The following LUC7L3 variants were observed in gnomAD, a reference collection of about 807,000 sequenced individuals.
The protein encoded by LUC7L3 is LUC7 like 3 pre-mRNA splicing factor.
LUC7L3 carries 6 observed loss-of-function variants against 66.8 expected under a neutral mutation model. That is an observed-to-expected ratio of 0.09 (90% CI 0.05 to 0.18). LUC7L3 has a LOEUF of 0.18. Ranked by LOEUF, LUC7L3 falls within the 10% of genes least tolerant of loss-of-function variation. The pLI, the probability that LUC7L3 is intolerant of heterozygous loss-of-function variation, is 1.00. For missense variants in LUC7L3, 341 were observed against 531.1 expected (o/e 0.64, Z 3.52); for synonymous variants, 160 against 174.7 (o/e 0.92, Z 0.66).
At chr17:50,723,570 T>C (rs1251647034) in intron 1 of LUC7L3, 4 of 154,616 alleles carry the variant, frequency 2.6e-5, no homozygotes, top group Non-Finnish European at 5.8e-5. Flanking sequence ...CTAGTTTTCA[T>C]TCAGAGTCAC....
intron 7 of LUC7L3, among the ~76,000 whole-genome samples, chr17:50,745,417 T>C (rs1314044433): frequency 2.0e-5 from 3 of 152,238 alleles, no homozygotes; most frequent in African/African-American, 7.2e-5. Flanking sequence ...GACCCTCTCA[T>C]TGATATTTTC....
At chr17:50,727,844 G>A (rs373426516) in intron 1 of LUC7L3, among the ~76,000 whole-genome samples, 1 of 151,962 alleles carries the variant, frequency 6.6e-6, no homozygotes. Flanking sequence ...GGTGGCTCAC[G>A]CCAGTAATCC....
At chr17:50,741,879 A>T (rs1275589094) in intron 5 of LUC7L3, 148 bp downstream of exon 5, 7 of 600,698 alleles carry the variant, frequency 1.2e-5, no homozygotes, top group Non-Finnish European at 1.8e-5. Context: ...GAGCCGGAGA[A>T]TTTGAGACCA....
chr17:50,744,636 T>C lies in LUC7L3; in HGVS notation c.532-16T>C. On this transcript the variant is annotated splice_polypyrimidine_tract_variant and intron_variant, in intron 6 of 9. Transcript: ENST00000505658. ...CTTCCTCAGATGTTCTTAAAATAACTGATTTATCATTTTAGACAATTGAAA... is the reference window on the plus strand; with the variant it reads ...CTTCCTCAGATGTTCTTAAAATAACCGATTTATCATTTTAGACAATTGAAA... 6.2e-7 allele frequency: 1 copy of C among 1,600,074 alleles called. No individual in the cohort carries two copies.
At chr17:50,747,295 T>A (rs1177003186) in intron 9 of LUC7L3, among the ~76,000 whole-genome samples, 1 of 150,206 alleles carries the variant, frequency 6.7e-6, no homozygotes, top group African/African-American at 2.4e-5. Context: ...GCACTATTAA[T>A]GGACTTTTTA....
chr17:50,751,460 T>G lies in LUC7L3; in HGVS notation c.*799T>G. On this transcript the variant is annotated 3_prime_UTR_variant, in exon 10 of 10. Transcript: ENST00000505658. ...AACTGTTGTGTATCTTTTTTGTTCT[T>G]TACAAGAAGTGCAGAGGGGTTTTTT... 3 of 1,249,360 alleles carry G rather than the reference T, an allele frequency of 2.4e-6. No individual in the cohort carries two copies. The highest frequency in any genetic ancestry group is 2.6e-5 in the Admixed American group (1 of 38,688). The allele number at this position is 1,249,360 out of a possible 1,614,324, so 77.4% of individuals were successfully genotyped here.
In LUC7L3 at chr17:50,719,610, C is replaced by T. The variant is rs1597876129; in HGVS notation, c.-123C>T. On this transcript the variant is annotated 5_prime_UTR_variant, in exon 1 of 10. Transcript: ENST00000505658. ...CCGCGCGGCGGCCATTTTGTCTTGT[C>T]GGCTCCTGTGTGTAGGAGGGATTTC... is the stretch of plus-strand genomic sequence containing the variant. 5 of 731,692 alleles carry T rather than the reference C, an allele frequency of 6.8e-6. No homozygotes were observed. The highest frequency in any genetic ancestry group is 1.1e-5 in the Non-Finnish European group (5 of 451,290). The allele number at this position is 731,692 out of a possible 1,614,324, so 45.3% of individuals were successfully genotyped here.
intron 1 of LUC7L3, among the ~76,000 whole-genome samples, chr17:50,725,061 C>G (rs754406321): frequency 6.6e-6 from 1 of 152,092 alleles, no homozygotes; most frequent in Admixed American, 6.5e-5. Flanking sequence ...CCCAGCCTTT[C>G]TCTTCATTTC....
chr17:50,733,231 A>G (rs1969739889), intron 1 of LUC7L3, among the ~76,000 whole-genome samples: 1 of 150,932 alleles, frequency 6.6e-6, no homozygotes, highest in African/African-American at 2.5e-5. Context: ...TAAAATTCAC[A>G]GTAATAGTAA....
chr17:50,744,856 A>G, intron 7 of LUC7L3, 43 bp downstream of exon 7: 2 of 1,554,094 alleles, frequency 1.3e-6, no homozygotes, highest in South Asian at 1.1e-5. Flanking sequence ...TTGCTCTGTC[A>G]CCTAGAGTGC....
chr17:50,750,199 T>C (rs1172465300), intron 9 of LUC7L3, among the ~76,000 whole-genome samples: 1 of 152,178 alleles, frequency 6.6e-6, no homozygotes, highest in East Asian at 1.9e-4. Flanking sequence ...CCCAGTGCTT[T>C]TTGATGTTTT....
At chr17:50,729,899 TATATATATATATA>T (rs1567860438) in intron 1 of LUC7L3, among the ~76,000 whole-genome samples, 231 of 14,260 alleles carry the variant, frequency 0.016, 8 homozygotes, top group East Asian at 0.027. Flanking sequence ...AAATACATTA[TATATATATATATA>T]TATATATATA....
Position 50,750,496 on chromosome 17 carries a change from G to T in LUC7L3, c.1139-5G>T. On this transcript the variant is annotated splice_region_variant and splice_polypyrimidine_tract_variant and intron_variant, in intron 9 of 9. Coordinates refer to ENST00000505658, the MANE Select transcript of LUC7L3 (RefSeq NM_016424.5). Reference sequence around the variant, plus strand: ...ATCCATGGTCAATGTCTTCTTTTATGGCAGAAAAGAGGGGATCTGATGATA... The same window carrying T: ...ATCCATGGTCAATGTCTTCTTTTATTGCAGAAAAGAGGGGATCTGATGATA... The T allele has an allele frequency of 6.2e-7, 1 of 1,606,532 alleles. No homozygotes were observed. The highest frequency in any genetic ancestry group is 1.1e-5 in the South Asian group (1 of 89,744).
rs1307766228 is a variant in LUC7L3 at position 50,746,512 on chromosome 17, GA to G, written c.978-28del. ...GCCTTTACTTATTGTAATACTGGCT[GA>G]AGTTGCCTTTTGGTTTTAAATTATT... On this transcript the variant is annotated intron_variant, in intron 8 of 9. Coordinates refer to ENST00000505658, the MANE Select transcript of LUC7L3 (RefSeq NM_016424.5). 3 of 1,602,718 alleles carry G rather than the reference GA, an allele frequency of 1.9e-6. No homozygotes were observed. In the Admixed American group the frequency reaches 5.2e-5, roughly 28 times the overall value.
At chr17:50,731,609 G>C (rs1253633963) in intron 1 of LUC7L3, among the ~76,000 whole-genome samples, 2 of 152,224 alleles carry the variant, frequency 1.3e-5, no homozygotes, top group South Asian at 2.1e-4. Context: ...AGTCCAGGTA[G>C]CTGGTTTATT....
At chr17:50,743,368 T>G (rs1970471528) in intron 5 of LUC7L3, among the ~76,000 whole-genome samples, 1 of 151,968 alleles carries the variant, frequency 6.6e-6, no homozygotes, top group Non-Finnish European at 1.5e-5. Flanking sequence ...CTGGCTAATT[T>G]TTTTTTTTTA....
intron 1 of LUC7L3, among the ~76,000 whole-genome samples, chr17:50,732,022 TCAAGA>T (rs1355758520): frequency 6.6e-6 from 1 of 152,102 alleles, no homozygotes; most frequent in Non-Finnish European, 1.5e-5. Context: ...GCTGCTGGCG[TCAAGA>T]CAAGATGTCA....
intron 1 of LUC7L3, among the ~76,000 whole-genome samples, chr17:50,720,096 G>T (rs1049708236): frequency 1.3e-5 from 2 of 152,258 alleles, no homozygotes; most frequent in African/African-American, 4.8e-5. Flanking sequence ...GGAAACGCGG[G>T]AAAGAAGGAT....
intron 1 of LUC7L3, among the ~76,000 whole-genome samples, chr17:50,724,511 A>G (rs932831457): frequency 4.6e-5 from 7 of 151,660 alleles, no homozygotes; most frequent in Non-Finnish European, 1.0e-4. Flanking sequence ...ACAGAGTGAC[A>G]CTCTGTCTCA....
Sources: gnomAD v4.1 joint callset for allele counts (sites outside exome capture counted in the v4.1 genomes callset) on GRCh38, gnomAD v4.1.1 for gene constraint, MANE v1.5 for transcripts, NCBI Gene and HGNC (gene_info 2026-07-23, HGNC 2026-07-21) for gene names.